The following GCKR variants were observed in gnomAD, a reference collection of about 807,000 sequenced individuals.
GCKR encodes glucokinase regulatory protein.
GCKR carries 73 observed loss-of-function variants against 82.9 expected under a neutral mutation model. The ratio of observed to expected loss-of-function variants is 0.88; its 90% CI spans 0.73 to 1.07. The LOEUF is 1.07. Among genes scored for constraint, GCKR ranks in the 50% least tolerant of loss-of-function variants. GCKR has a pLI of 0.00. For synonymous variants in GCKR, 294 were observed against 291.8 expected (o/e 1.01, Z -0.08); for missense variants, 784 against 782.1 (o/e 1.00, Z -0.03).
At chr2:27,517,364 G>T (rs540005580) in intron 16 of GCKR, among the ~76,000 whole-genome samples, 4 of 152,274 alleles carry the variant, frequency 2.6e-5, no homozygotes, top group Non-Finnish European at 5.9e-5. Flanking sequence ...GGCTGGGGAG[G>T]CCTCAGGAAA....
intron 16 of GCKR, among the ~76,000 whole-genome samples, chr2:27,510,210 C>T (rs567135556): frequency 4.6e-5 from 7 of 152,102 alleles, no homozygotes; most frequent in East Asian, 3.9e-4. Context: ...GGGGTTTCAC[C>T]GTGTTAGCCA....
chr2:27,501,376 T>C (rs1669572116), intron 8 of GCKR, 147 bp downstream of exon 8: 2 of 702,824 alleles, frequency 2.8e-6, no homozygotes, highest in Non-Finnish European at 5.2e-6. Context: ...CCCCTAAGCT[T>C]ATAAGGTTTT....
At chr2:27,519,951 A>G (rs1225578198) in intron 17 of GCKR, among the ~76,000 whole-genome samples, 3 of 152,106 alleles carry the variant, frequency 2.0e-5, no homozygotes, top group East Asian at 3.9e-4. Flanking sequence ...GAAGGAGTGG[A>G]TGTTGAGCAG....
intron 9 of GCKR, among the ~76,000 whole-genome samples, chr2:27,505,424 A>G (rs180788564): frequency 5.3e-4 from 80 of 151,610 alleles, no homozygotes; most frequent in African/African-American, 1.7e-3. Flanking sequence ...AAAAAAGAAA[A>G]AAAAAGAAAA....
chr2:27,519,359 C>T (rs1362423854), intron 17 of GCKR, among the ~76,000 whole-genome samples: 7 of 150,720 alleles, frequency 4.6e-5, no homozygotes, highest in Non-Finnish European at 7.4e-5. Flanking sequence ...TGGAGTATAG[C>T]GGTGCTATTT....
At chr2:27,512,528 C>CG (rs1411056900) in intron 16 of GCKR, among the ~76,000 whole-genome samples, 1 of 143,510 alleles carries the variant, frequency 7.0e-6, no homozygotes, top group Non-Finnish European at 1.5e-5. Flanking sequence ...GAGTGAGACT[C>CG]CATCTCAAAA....
At chr2:27,503,796 A>G (rs760907720) in intron 9 of GCKR, among the ~76,000 whole-genome samples, 177 bp downstream of exon 9, 13 of 152,174 alleles carry the variant, frequency 8.5e-5, no homozygotes, top group Non-Finnish European at 1.3e-4. Flanking sequence ...TTTTCACCTT[A>G]AGATATTTCG....
At chr2:27,501,103 C>A (rs768096361) in intron 7 of GCKR, 32 bp from the exon 8 acceptor site, 4 of 1,459,462 alleles carry the variant, frequency 2.7e-6, no homozygotes, top group Admixed American at 1.7e-5. Context: ...TAATGACCCC[C>A]TCATCATGCC....
chr2:27,514,819 G>A (rs1669966809), intron 16 of GCKR, among the ~76,000 whole-genome samples: 1 of 152,082 alleles, frequency 6.6e-6, no homozygotes, highest in Non-Finnish European at 1.5e-5. Flanking sequence ...TCCTTCCATA[G>A]GGTTTACTAT....
At chr2:27,502,581 T>C (rs950695535) in intron 8 of GCKR, among the ~76,000 whole-genome samples, 1 of 152,032 alleles carries the variant, frequency 6.6e-6, no homozygotes, top group South Asian at 2.1e-4. Flanking sequence ...AACCATACGA[T>C]ATGAACCCTC....
In GCKR at chr2:27,497,610, A is replaced by C. The variant is rs906527387; in HGVS notation, c.265A>C (p.Lys89Gln). ...GACCACCATGGTACAGGTGGCTGGG[A>C]AAGTTCAGGAAGTGCTGAAGGTACT... is the stretch of plus-strand genomic sequence containing the variant. ...ILTTMVQVAG[K>Q]VQEVLKEPDG... Residue 89 changes from lysine (K) to glutamine (Q), a missense_variant, in exon 3 of 19, where the codon AAA becomes CAA. Coordinates refer to ENST00000264717, the MANE Select transcript of GCKR (RefSeq NM_001486.4). 8 of 1,611,618 alleles carry C rather than the reference A, an allele frequency of 5.0e-6. No individual in the cohort carries two copies. The highest frequency in any genetic ancestry group is 3.3e-5 in the Admixed American group (2 of 60,016).
chr2:27,520,191 T>A (rs1670116521), intron 17 of GCKR, among the ~76,000 whole-genome samples: 1 of 152,036 alleles, frequency 6.6e-6, no homozygotes, highest in African/African-American at 2.4e-5. Flanking sequence ...CAATGAACAT[T>A]TAGTGAGCAC....
intron 11 of GCKR, 101 bp from the exon 12 acceptor site, chr2:27,506,687 G>A (rs1295694910): frequency 2.8e-6 from 3 of 1,089,326 alleles, no homozygotes; most frequent in Non-Finnish European, 4.3e-6. Flanking sequence ...AGGATTGCAT[G>A]TTGAAGGGTC....
In GCKR at chr2:27,523,270, T is replaced by C; in HGVS notation, c.1709T>C (p.Val570Ala). The change falls in exon 19 of 19, where the codon GTG becomes GCG. Residue 570 changes from valine (V) to alanine (A), a missense_variant and splice_region_variant. Physicochemically the swap from Val to Ala is moderately conservative, Grantham distance 64. Coordinates refer to ENST00000264717, the MANE Select transcript of GCKR (RefSeq NM_001486.4). ...HVQVAHEKEQ[V>A]IPIALLSLLF... is the part of the protein sequence containing the mutation. ...GTGCCCACTGCCTCTTCCCCACAGG[T>C]GATACCCATCGCCTTGCTGAGCCTC... 1 of 1,611,584 alleles carries C rather than the reference T, an allele frequency of 6.2e-7. No individual in the cohort carries two copies. Among genetic ancestry groups the C allele is most frequent in the Admixed American group, 1.7e-5 (1 of 60,012 alleles).
At position 27,508,067 on chromosome 2, in the gene GCKR, C is replaced by A. The variant is rs776529159; in HGVS notation, c.1331C>A (p.Thr444Asn). ...QALAHSTVGQ[T>N]LLIPLKKLFP... ...CTGGCACACAGCACCGTGGGTCAGACCTTGCTGGTGAGAGTCCAGCCGTGA... is the reference window on the plus strand; with the variant it reads ...CTGGCACACAGCACCGTGGGTCAGAACTTGCTGGTGAGAGTCCAGCCGTGA... The change falls in exon 15 of 19, where the codon ACC (threonine) becomes AAC (asparagine). Residue 444 changes from threonine to asparagine, a missense_variant. Coordinates refer to ENST00000264717, the MANE Select transcript of GCKR (RefSeq NM_001486.4). 6.2e-7 allele frequency: 1 copy of A among 1,612,872 alleles called. No homozygotes were observed. The highest frequency in any genetic ancestry group is 8.5e-7 in the Non-Finnish European group (1 of 1,178,874).
chr2:27,512,030 G>C (rs1340075963), intron 16 of GCKR, among the ~76,000 whole-genome samples: 1 of 151,838 alleles, frequency 6.6e-6, no homozygotes, highest in Non-Finnish European at 1.5e-5. Context: ...CACAAGGTCA[G>C]GAGTTCGAGA....
In GCKR at chr2:27,507,242, A is replaced by G. The variant is rs1669771230; in HGVS notation, c.1074A>G (p.Arg358=). 6.2e-7 allele frequency: 1 copy of G among 1,608,820 alleles called. No individual in the cohort carries two copies. The highest frequency in any genetic ancestry group is 2.2e-5 in the East Asian group (1 of 44,862). Residue 358 remains arginine, a synonymous_variant, in exon 13 of 19, where the codon CGA becomes CGG. Transcript: ENST00000264717. ...TGTTCTTAAACTTCCCAGATTTCCG[A>G]GATGTCCGTGGCTTTCTCATTGGTG... ...ECIHTFGADF[R]DVRGFLIGDH...
Position 27,507,713 on chromosome 2 carries a change from C to T in GCKR, c.1176C>T (p.Phe392=). 1.2e-6 allele frequency: 2 copies of T among 1,609,242 alleles called. No homozygotes were observed. Among genetic ancestry groups the T allele is most frequent in the East Asian group, 2.2e-5 (1 of 44,866 alleles). Residue 392 remains phenylalanine (F), a synonymous_variant, in exon 14 of 19, where the codon TTC becomes TTT. Transcript: ENST00000264717. Reference sequence around the variant, plus strand: ...AGTTCACCTTCTCCCAGGAGGACTTCCTGACTTCCATCCTTCCCTCTCTCA... The same window carrying T: ...AGTTCACCTTCTCCCAGGAGGACTTTCTGACTTCCATCCTTCCCTCTCTCA... ...GPQFTFSQED[F]LTSILPSLTE...
intron 10 of GCKR, 47 bp from the exon 11 acceptor site, chr2:27,506,434 T>C (rs1669745686): frequency 7.9e-7 from 1 of 1,272,268 alleles, no homozygotes; most frequent in Admixed American, 1.7e-5. Flanking sequence ...CTAAGCTTTC[T>C]GAGGGGGAAT....
Sources: allele counts gnomAD v4.1 joint callset (sites outside exome capture counted in the v4.1 genomes callset), GRCh38; gene constraint gnomAD v4.1.1; transcripts MANE v1.5; gene names NCBI Gene and HGNC (gene_info 2026-07-23, HGNC 2026-07-21).